Variants in RBFOX1 observed in about 807,000 individuals in gnomAD.
RBFOX1 encodes the protein RNA binding protein fox-1 homolog 1.
Under a neutral mutation model 57.7 loss-of-function variants are expected in RBFOX1, and 8 were observed. The ratio of observed to expected loss-of-function variants is 0.14; its 90% CI spans 0.08 to 0.25. RBFOX1 has a LOEUF of 0.25. RBFOX1 is among the 10% of genes least tolerant of loss of function. The pLI is 1.00. For missense variants in RBFOX1, 611 were observed against 548.5 expected, an observed-to-expected ratio of 1.11 and a Z score of -1.14; for synonymous variants, 326 against 222.4, an observed-to-expected ratio of 1.47 and a Z score of -4.15.
chr16:6,764,442 A>C (rs184245639), intron 3 of RBFOX1, among the ~76,000 whole-genome samples: 4 of 152,290 alleles, frequency 2.6e-5, no homozygotes, highest in African/African-American at 9.6e-5. Context: ...GGTTAGCTTG[A>C]TGAGCACAAC....
intron 1 of RBFOX1, among the ~76,000 whole-genome samples, chr16:5,251,109 C>T (rs1567235646): frequency 1.4e-5 from 2 of 145,832 alleles, no homozygotes; most frequent in Middle Eastern, 3.5e-3. Flanking sequence ...CACTTGTCCC[C>T]GCAGACCCTG....
chr16:6,103,794 G>T (rs2096344279), intron 1 of RBFOX1, among the ~76,000 whole-genome samples: 1 of 152,166 alleles, frequency 6.6e-6, no homozygotes, highest in African/African-American at 2.4e-5. Context: ...AGAGTAGCAT[G>T]GGAAAGAGTC....
chr16:7,065,761 C>T (rs2055848696), intron 4 of RBFOX1, among the ~76,000 whole-genome samples: 1 of 151,966 alleles, frequency 6.6e-6, no homozygotes, highest in Non-Finnish European at 1.5e-5. Flanking sequence ...CTCATTCCTC[C>T]TGTCTAAGTG....
intron 4 of RBFOX1, among the ~76,000 whole-genome samples, chr16:5,932,021 T>G (rs1259102318): frequency 6.6e-6 from 1 of 152,076 alleles, no homozygotes; most frequent in East Asian, 1.9e-4. Context: ...CCAGGCTGGT[T>G]TCGGACTCTT....
intron 3 of RBFOX1, among the ~76,000 whole-genome samples, chr16:5,693,935 T>C (rs2050770752): frequency 6.6e-6 from 1 of 152,214 alleles, no homozygotes; most frequent in Non-Finnish European, 1.5e-5. Flanking sequence ...CAGGTGGCAA[T>C]GGCCTTGTGT....
chr16:7,061,522 AATTC>A (rs2153747238), intron 4 of RBFOX1, among the ~76,000 whole-genome samples: 1 of 152,314 alleles, frequency 6.6e-6, no homozygotes, highest in Admixed American at 6.5e-5. Flanking sequence ...TATGTTAATT[AATTC>A]TTTGAGTCTC....
At chr16:6,153,033 G>GTTTTTTTTTTTTTTTTTTTTTTTTTTT (rs59957159) in intron 1 of RBFOX1, among the ~76,000 whole-genome samples, 1 of 128,136 alleles carries the variant, frequency 7.8e-6, no homozygotes, top group Non-Finnish European at 1.7e-5. Context: ...GTTATTTTCT[G>GTTTTTTTTTTTTTTTTTTTTTTTTTTT]TTTTTTTTTT....
intron 2 of RBFOX1, among the ~76,000 whole-genome samples, chr16:6,510,688 A>G (rs1345526334): frequency 6.6e-6 from 1 of 152,124 alleles, no homozygotes; most frequent in African/African-American, 2.4e-5. Context: ...CTACTGGGCA[A>G]TGAAGTTTAA....
intron 4 of RBFOX1, among the ~76,000 whole-genome samples, chr16:7,244,963 G>A (rs1204653227): frequency 6.6e-6 from 1 of 152,170 alleles, no homozygotes; most frequent in Non-Finnish European, 1.5e-5. Flanking sequence ...GGGGATTGTG[G>A]CAAAGTGAGG....
intron 3 of RBFOX1, among the ~76,000 whole-genome samples, chr16:5,863,194 C>T (rs547184402): frequency 1.7e-4 from 26 of 152,298 alleles, no homozygotes; most frequent in Middle Eastern, 3.4e-3. Context: ...CCCTTAATGT[C>T]GGCCTTTGCG....
At chr16:7,267,591 A>C (rs1009870561) in intron 4 of RBFOX1, among the ~76,000 whole-genome samples, 2 of 151,132 alleles carry the variant, frequency 1.3e-5, no homozygotes, top group Admixed American at 6.6e-5. Flanking sequence ...ACGATGGCTC[A>C]TGTCTGTAAT....
At chr16:6,723,065 A>G (rs899028620) in intron 3 of RBFOX1, among the ~76,000 whole-genome samples, 9 of 152,140 alleles carry the variant, frequency 5.9e-5, no homozygotes, top group African/African-American at 2.2e-4. Flanking sequence ...TGGGGAGGGG[A>G]TGGGCAATGT....
At chr16:5,586,732 C>A (rs1238824808) in intron 2 of RBFOX1, among the ~76,000 whole-genome samples, 1 of 152,156 alleles carries the variant, frequency 6.6e-6, no homozygotes, top group South Asian at 2.1e-4. Flanking sequence ...CTCGTGGCGT[C>A]AATGATCTCC....
At chr16:6,967,115 C>T (rs568156941) in intron 3 of RBFOX1, among the ~76,000 whole-genome samples, 1 of 152,110 alleles carries the variant, frequency 6.6e-6, no homozygotes, top group Non-Finnish European at 1.5e-5. Flanking sequence ...ACTCATTCAT[C>T]CATTACTTAT....
chr16:7,613,015 G>A (rs564169193), intron 10 of RBFOX1, among the ~76,000 whole-genome samples: 7 of 152,298 alleles, frequency 4.6e-5, no homozygotes, highest in African/African-American at 1.7e-4. Context: ...TACTCCATGA[G>A]ACGTGATCAA....
At chr16:5,282,273 C>A (rs930598610) in intron 1 of RBFOX1, among the ~76,000 whole-genome samples, 7 of 152,210 alleles carry the variant, frequency 4.6e-5, no homozygotes. Context: ...GTCCATTAAA[C>A]CTTTATCTTT....
intron 5 of RBFOX1, among the ~76,000 whole-genome samples, chr16:7,564,642 C>G (rs1434680458): frequency 6.6e-6 from 1 of 150,880 alleles, no homozygotes; most frequent in East Asian, 2.0e-4. Flanking sequence ...CCTGCACTAC[C>G]AGCCTCCAGA....
intron 3 of RBFOX1, among the ~76,000 whole-genome samples, chr16:6,991,301 A>C (rs975528319): frequency 6.6e-6 from 1 of 152,106 alleles, no homozygotes; most frequent in Non-Finnish European, 1.5e-5. Context: ...CCTTGTCTCA[A>C]AACAAAAGTT....
In RBFOX1 at chr16:5,454,840, C is replaced by T. The variant is rs868003823; in HGVS notation, c.220-12376C>T. Among the ~76,000 whole-genome samples, 188 of 104,862 alleles carry T rather than the reference C, an allele frequency of 1.8e-3. 2 individuals carry two copies. The highest frequency in any genetic ancestry group is 7.1e-3 in the African/African-American group (172 of 24,240). 68.8% of individuals were successfully genotyped at this position (104,862 alleles called of 152,430 possible). A position where few individuals can be genotyped will look rare whatever the true frequency, so the allele number is the denominator to read the frequency against. On this transcript the variant is annotated intron_variant, in intron 1 of 2. Transcript: ENST00000585867. ...TTTCCTTTCTTTCCTTGCTTTCTTT[C>T]CTTTCTTTCTTTCTTTTCTTTCTTT...
Sources: gnomAD v4.1 joint callset for allele counts (sites outside exome capture counted in the v4.1 genomes callset) on GRCh38, gnomAD v4.1.1 for gene constraint, MANE v1.5 for transcripts, NCBI Gene and HGNC (gene_info 2026-07-23, HGNC 2026-07-21) for gene names.